EBAG9: variants seen among roughly 807,000 people sequenced by gnomAD.
EBAG9 encodes the protein receptor-binding cancer antigen expressed on SiSo cells.
In EBAG9, 16 loss-of-function variants were observed where a neutral mutation model predicts 30.9. That is an observed-to-expected ratio of 0.52 (90% confidence interval 0.35 to 0.79). The LOEUF (loss-of-function observed/expected upper bound fraction) is 0.79. Ranked by LOEUF, EBAG9 falls within the 30% of genes least tolerant of loss-of-function variation. The pLI, the probability that EBAG9 is intolerant of heterozygous loss-of-function variation, is 0.01. For missense variants in EBAG9, 197 were observed against 242.1 expected (o/e 0.81, Z 1.24); for synonymous variants, 93 against 82.8 (o/e 1.12, Z -0.67).
chr8:109,547,844 A>G (rs192653953), intron 1 of EBAG9, among the ~76,000 whole-genome samples: 64 of 152,264 alleles, frequency 4.2e-4, no homozygotes, highest in Admixed American at 7.2e-4. Flanking sequence ...TGAGTTTTTA[A>G]AAATTATTTT....
chr8:109,559,033 TAA>T (rs34410229), intron 5 of EBAG9, among the ~76,000 whole-genome samples: 1 of 151,860 alleles, frequency 6.6e-6, no homozygotes, highest in Non-Finnish European at 1.5e-5. Flanking sequence ...TTTTACTTTT[TAA>T]AAAAAATCTA....
chr8:109,554,863 A>C lies in EBAG9; in HGVS notation c.297A>C (p.Thr99=). Residue 99 remains threonine, a synonymous_variant, in exon 4 of 7, where the codon ACA becomes ACC. Transcript: ENST00000337573. ...QLEPDYFKDM[T]PTIRKTQKIV... ...AACCTGACTATTTTAAGGACATGAC[A>C]CCAACTATTAGGAAAACTCAGAAAG... The C allele has an allele frequency of 6.2e-7, 1 of 1,613,526 alleles. No homozygotes were observed. The highest frequency in any genetic ancestry group is 8.5e-7 in the Non-Finnish European group (1 of 1,179,638).
intron 6 of EBAG9, among the ~76,000 whole-genome samples, chr8:109,561,248 C>G (rs1054461598): frequency 2.0e-5 from 3 of 150,812 alleles, no homozygotes; most frequent in Admixed American, 6.6e-5. Flanking sequence ...TATGCATATA[C>G]ATACCATATT....
At position 109,548,887 on chromosome 8, in the gene EBAG9, C is replaced by CTTTTTTTT. The variant is rs548152043; in HGVS notation, c.-15-1913_-15-1906dup. ...TTTCTTTTCTATTTTTTTCTTTTTT[C>CTTTTTTTT]TTTTTTTTTTTTTTTTTGCTGGATT... On this transcript the variant is annotated intron_variant, in intron 1 of 6. Transcript: ENST00000337573. 1.8e-3 allele frequency among the ~76,000 whole-genome samples: 220 copies of CTTTTTTTT among 124,884 alleles called. 1 individual carries two copies. The highest frequency in any genetic ancestry group is 3.7e-3 in the African/African-American group (123 of 33,290). The allele number at this position is 124,884 out of a possible 152,430, so 81.9% of individuals were successfully genotyped here.
rs1232701957 is a variant in EBAG9, at chr8:109,557,020, A to T, written c.407A>T (p.Asp136Val). Residue 136 changes from aspartate (D) to valine (V), a missense_variant, in exon 5 of 7, where the codon GAT becomes GTT. By Grantham distance (152) the Asp-to-Val change is radical. Transcript: ENST00000337573. ...GFSSRLAATQ[D>V]LPFIHQSSEL... ...TCTAGTAGATTAGCAGCTACACAAG[A>T]TCTGCCTTTTATTCATCAGTCTGTA... 1.2e-6 allele frequency: 2 copies of T among 1,606,620 alleles called. No individual in the cohort carries two copies. Among genetic ancestry groups the T allele is most frequent in the Non-Finnish European group, 1.7e-6 (2 of 1,175,708 alleles).
chr8:109,552,112 CACA>C (rs1249956577), intron 2 of EBAG9, among the ~76,000 whole-genome samples: 1 of 152,006 alleles, frequency 6.6e-6, no homozygotes, highest in African/African-American at 2.4e-5. Flanking sequence ...AGAGGTTACA[CACA>C]ACAATTTTTG....
chr8:109,554,680 T>A, intron 3 of EBAG9, 49 bp from the exon 4 acceptor site: 1 of 1,569,836 alleles, frequency 6.4e-7, no homozygotes, highest in Non-Finnish European at 8.7e-7. Context: ...AATGATGTGT[T>A]CATTAAGTTG....
At chr8:109,539,839 C>T (rs531706775), upstream of EBAG9, 2 of 152,186 alleles carry the variant, frequency 1.3e-5, no homozygotes, top group East Asian at 3.9e-4. Context: ...ACAGGCAGCG[C>T]GCGTGAGCGC....
At chr8:109,557,901 G>A (rs1821633049) in intron 5 of EBAG9, 1 of 275,838 alleles carries the variant, frequency 3.6e-6, no homozygotes, top group African/African-American at 2.3e-5. Context: ...TCTTTATGAT[G>A]TAACTCCTGA....
At chr8:109,564,165 C>G (rs949986749) in intron 6 of EBAG9, among the ~76,000 whole-genome samples, 14 of 152,074 alleles carry the variant, frequency 9.2e-5, no homozygotes, top group African/African-American at 2.9e-4. Context: ...GTACTTAATC[C>G]TATGACTTCG....
chr8:109,558,271 G>A (rs1563657077), intron 5 of EBAG9, among the ~76,000 whole-genome samples: 1 of 151,988 alleles, frequency 6.6e-6, no homozygotes. Flanking sequence ...GGCATTAAAG[G>A]GTCTTTGCCT....
chr8:109,551,061 C>A (rs149473383), intron 2 of EBAG9, among the ~76,000 whole-genome samples, 154 bp downstream of exon 2: 3 of 152,020 alleles, frequency 2.0e-5, no homozygotes, highest in East Asian at 1.9e-4. Flanking sequence ...TTTTTAGATA[C>A]TTTTTCTCTA....
intron 5 of EBAG9, chr8:109,557,912 T>G (rs1377715747): frequency 3.6e-6 from 1 of 274,216 alleles, no homozygotes; most frequent in East Asian, 9.8e-5. Flanking sequence ...TAACTCCTGA[T>G]TTTCCCAGTA....
chr8:109,560,964 G>C (rs1217461066), intron 6 of EBAG9, 35 bp downstream of exon 6: 1 of 1,559,866 alleles, frequency 6.4e-7, no homozygotes. Context: ...AACCTGAGTA[G>C]AAGAACTAGA....
chr8:109,550,869 A>T lies in EBAG9; in HGVS notation c.45A>T (p.Leu15=), dbSNP rs149468671. ...GGTTATTTAAATTTTGTACCTGCCT[A>T]GCAACAGTATTCTCATTCCTAAAGA... ...QFRLFKFCTC[L]ATVFSFLKRL... is the part of the protein sequence containing the mutation. The change falls in exon 2 of 7, where the codon CTA becomes CTT. Residue 15 remains leucine, a synonymous_variant. Transcript: ENST00000337573. 1.2e-6 allele frequency: 2 copies of T among 1,600,860 alleles called. No individual in the cohort carries two copies. Among genetic ancestry groups the T allele is most frequent in the African/African-American group, 2.7e-5 (2 of 74,556 alleles).
intron 5 of EBAG9, among the ~76,000 whole-genome samples, 159 bp downstream of exon 5, chr8:109,557,201 T>C (rs775325297): frequency 3.9e-5 from 6 of 152,210 alleles, no homozygotes; most frequent in Non-Finnish European, 8.8e-5. Context: ...GTTTTACCAA[T>C]CCTAACCTTT....
At position 109,564,653 on chromosome 8, in the gene EBAG9, T is replaced by C. The variant is rs2131139197; in HGVS notation, c.*94T>C. 6.5e-7 allele frequency: 1 copy of C among 1,528,298 alleles called. No individual in the cohort carries two copies. Among genetic ancestry groups the C allele is most frequent in the Non-Finnish European group, 8.9e-7 (1 of 1,128,884 alleles). The allele number at this position is 1,528,298 out of a possible 1,614,324, so 94.7% of individuals were successfully genotyped here. ...GATTTAAGAGTATTTTAAGAAGACA[T>C]ACTGCTTGATTTTAATACATTGATC... On this transcript the variant is annotated 3_prime_UTR_variant, in exon 7 of 7. Transcript: ENST00000337573.
intron 1 of EBAG9, among the ~76,000 whole-genome samples, chr8:109,542,462 G>T (rs1163580253): frequency 1.3e-5 from 2 of 152,138 alleles, no homozygotes; most frequent in Non-Finnish European, 2.9e-5. Flanking sequence ...TCCTAAAACT[G>T]ACAGTCCCAA....
intron 1 of EBAG9, among the ~76,000 whole-genome samples, chr8:109,542,061 T>C (rs1473436613): frequency 1.3e-5 from 2 of 152,218 alleles, no homozygotes; most frequent in African/African-American, 4.8e-5. Context: ...TTACTCTGTG[T>C]TTAATTCAAT....
Sources: allele counts gnomAD v4.1 joint callset (sites outside exome capture counted in the v4.1 genomes callset), GRCh38; gene constraint gnomAD v4.1.1; transcripts MANE v1.5; gene names NCBI Gene and HGNC (gene_info 2026-07-23, HGNC 2026-07-21).